LMBR1: variants seen among roughly 807,000 people sequenced by gnomAD.
LMBR1 encodes the protein limb development membrane protein 1.
In LMBR1, 52 loss-of-function variants were observed where a neutral mutation model predicts 73.9. That is an observed-to-expected ratio of 0.70 (90% CI 0.56 to 0.89). The LOEUF (loss-of-function observed/expected upper bound fraction) is 0.89. Among genes scored for constraint, LMBR1 ranks in the 40% least tolerant of loss-of-function variants. The pLI, the probability that LMBR1 is intolerant of heterozygous loss-of-function variation, is 0.00. For missense variants in LMBR1, 539 were observed against 579.8 expected (o/e 0.93, Z 0.72); for synonymous variants, 215 against 209.4 (o/e 1.03, Z -0.23).
intron 5 of LMBR1, among the ~76,000 whole-genome samples, chr7:156,766,871 C>T (rs551939697): frequency 3.9e-5 from 6 of 152,178 alleles, no homozygotes; most frequent in Non-Finnish European, 7.3e-5. Context: ...AGCCATGCAA[C>T]ACCAGGTAAA....
intron 4 of LMBR1, among the ~76,000 whole-genome samples, chr7:156,817,584 T>G (rs1475869422): frequency 6.6e-6 from 1 of 152,136 alleles, no homozygotes; most frequent in African/African-American, 2.4e-5. Context: ...TCTGCTTATT[T>G]ACTTAGAAGA....
intron 5 of LMBR1, among the ~76,000 whole-genome samples, chr7:156,778,793 CA>C (rs1471701965): frequency 6.6e-6 from 1 of 152,178 alleles, no homozygotes; most frequent in Non-Finnish European, 1.5e-5. Context: ...ATTCTGACTA[CA>C]AAGTAATGAA....
At chr7:156,793,400 C>T (rs1040680661) in intron 5 of LMBR1, among the ~76,000 whole-genome samples, 3 of 152,258 alleles carry the variant, frequency 2.0e-5, no homozygotes, top group African/African-American at 7.2e-5. Flanking sequence ...AATAACATGT[C>T]TTGATTAGCT....
chr7:156,800,788 G>A (rs1830836211), intron 4 of LMBR1, among the ~76,000 whole-genome samples: 1 of 152,164 alleles, frequency 6.6e-6, no homozygotes, highest in Non-Finnish European at 1.5e-5. Context: ...TGATTCATGG[G>A]AGGTCAAAAT....
chr7:156,686,986 T>G (rs1806139706), intron 16 of LMBR1, among the ~76,000 whole-genome samples: 1 of 152,212 alleles, frequency 6.6e-6, no homozygotes, highest in Admixed American at 6.5e-5. Context: ...GGCATTGCAA[T>G]ATTTGATGAG....
intron 1 of LMBR1, among the ~76,000 whole-genome samples, chr7:156,860,890 G>A (rs1797625130): frequency 6.6e-6 from 1 of 152,232 alleles, no homozygotes; most frequent in South Asian, 2.1e-4. Context: ...TACAGCCTTG[G>A]GCAGCTCCGC....
At chr7:156,837,786 C>T (rs1237906607) in intron 1 of LMBR1, among the ~76,000 whole-genome samples, 48 of 135,316 alleles carry the variant, frequency 3.5e-4, no homozygotes, top group African/African-American at 1.1e-3. Context: ...TTTAATTTTG[C>T]TTTTTTTTTT....
rs1804855378 is a variant in LMBR1, at chr7:156,680,485, T to G, written c.*3593A>C. The stretch of plus-strand genomic sequence containing the variant: ...AAGCCACTGTAAGTAGGCTTCTGTC[T>G]GCCAGTAAATTAACCAGATGCTAAC... On this transcript the variant is annotated 3_prime_UTR_variant, in exon 17 of 17. Transcript: ENST00000353442. The G allele has an allele frequency of 6.6e-6, 1 of 152,280 alleles. No homozygotes were observed. Among genetic ancestry groups the G allele is most frequent in the Non-Finnish European group, 1.5e-5 (1 of 68,142 alleles). The allele number at this position is 152,280 out of a possible 1,614,324, so 9.4% of individuals were successfully genotyped here. A position where few individuals can be genotyped will look rare whatever the true frequency, so the allele number is the denominator to read the frequency against.
chr7:156,854,606 A>T (rs558103484), intron 1 of LMBR1, among the ~76,000 whole-genome samples: 1 of 152,326 alleles, frequency 6.6e-6, no homozygotes, highest in Non-Finnish European at 1.5e-5. Context: ...ATCAGAGCCT[A>T]ATCAACCTGG....
chr7:156,747,919 C>T (rs186566892), intron 9 of LMBR1: 2 of 152,192 alleles, frequency 1.3e-5, no homozygotes, highest in African/African-American at 4.8e-5. Context: ...GCAAACACTA[C>T]TTACTGTACA....
intron 5 of LMBR1, among the ~76,000 whole-genome samples, chr7:156,787,950 T>C (rs886333337): frequency 6.6e-6 from 1 of 152,214 alleles, no homozygotes; most frequent in Non-Finnish European, 1.5e-5. Context: ...CTAATTTTTA[T>C]ATTTTTAGTA....
chr7:156,831,279 T>TTTTTTG (rs1485065280), intron 3 of LMBR1, among the ~76,000 whole-genome samples: 1 of 150,762 alleles, frequency 6.6e-6, no homozygotes, highest in Non-Finnish European at 1.5e-5. Flanking sequence ...CCCTAGATTT[T>TTTTTTG]TTTTTTTTTT....
intron 9 of LMBR1, among the ~76,000 whole-genome samples, chr7:156,750,589 G>A (rs1325036090): frequency 2.6e-5 from 4 of 152,036 alleles, no homozygotes; most frequent in Admixed American, 6.6e-5. Flanking sequence ...GATTCTGTCC[G>A]GTCTTGTCAC....
chr7:156,887,002 CAGTT>C (rs1305833031), intron 1 of LMBR1, among the ~76,000 whole-genome samples: 1 of 152,144 alleles, frequency 6.6e-6, no homozygotes, highest in Non-Finnish European at 1.5e-5. Flanking sequence ...AGGGTATACT[CAGTT>C]AGCTGGCAGC....
At chr7:156,805,053 T>A (rs1196602748) in intron 4 of LMBR1, among the ~76,000 whole-genome samples, 1 of 152,066 alleles carries the variant, frequency 6.6e-6, no homozygotes, top group African/African-American at 2.4e-5. Context: ...TGCCTATAAT[T>A]AAAAAATTGT....
In LMBR1 at chr7:156,681,091, A is replaced by G. The variant is rs1390102262; in HGVS notation, c.*2987T>C. 4.8e-6 allele frequency: 2 copies of G among 419,398 alleles called. No homozygotes were observed. Among genetic ancestry groups the G allele is most frequent in the Non-Finnish European group, 9.2e-6 (2 of 217,154 alleles). 26.0% of individuals were successfully genotyped at this position (419,398 alleles called of 1,614,324 possible). A position where few individuals can be genotyped will look rare whatever the true frequency, so the allele number is the denominator to read the frequency against. On this transcript the variant is annotated 3_prime_UTR_variant, in exon 17 of 17. Coordinates refer to ENST00000353442, the MANE Select transcript of LMBR1 (RefSeq NM_022458.4). ...GCTGCATCTATGTTCACATTAAAAAAAAAAACTTGTAAGAATTCTGCCTTT... is the reference window on the plus strand; with the variant it reads ...GCTGCATCTATGTTCACATTAAAAAGAAAAACTTGTAAGAATTCTGCCTTT...
At chr7:156,721,245 C>T (rs1335305084) in intron 15 of LMBR1, among the ~76,000 whole-genome samples, 2 of 151,944 alleles carry the variant, frequency 1.3e-5, no homozygotes, top group African/African-American at 2.4e-5. Flanking sequence ...TTATTAAAAG[C>T]ATTTCAAAGA....
At chr7:156,779,517 C>T in intron 5 of LMBR1, 1 of 242,688 alleles carries the variant, frequency 4.1e-6, no homozygotes, top group East Asian at 8.3e-5. Flanking sequence ...ACACAGATTT[C>T]TTTTAGATTT....
chr7:156,775,850 T>C (rs1039861442), intron 5 of LMBR1, among the ~76,000 whole-genome samples: 9 of 151,926 alleles, frequency 5.9e-5, no homozygotes, highest in African/African-American at 2.2e-4. Flanking sequence ...TTTCAGTTTA[T>C]GAGACATACT....
Sources: gnomAD v4.1 joint callset for allele counts (sites outside exome capture counted in the v4.1 genomes callset) on GRCh38, gnomAD v4.1.1 for gene constraint, MANE v1.5 for transcripts, NCBI Gene and HGNC (gene_info 2026-07-23, HGNC 2026-07-21) for gene names.